SGK3: variants seen among roughly 807,000 people sequenced by gnomAD.
The protein encoded by SGK3 is serine/threonine-protein kinase Sgk3.
A neutral mutation model predicts 68.5 loss-of-function variants in SGK3; 47 were observed. The observed-to-expected ratio is 0.69, with a 90% confidence interval of 0.54 to 0.87. The LOEUF is 0.87. SGK3 is among the 40% of genes least tolerant of loss of function. The pLI is 0.00. For synonymous variants in SGK3, 181 were observed against 189.1 expected (o/e 0.96, Z 0.35); for missense variants, 479 against 575.5 (o/e 0.83, Z 1.72).
intron 2 of SGK3, among the ~76,000 whole-genome samples, chr8:66,794,682 C>G (rs1807603142): frequency 6.6e-6 from 1 of 152,198 alleles, no homozygotes. Flanking sequence ...CTTGAACACG[C>G]ATCCTCCTCA....
Position 66,852,515 on chromosome 8 carries a change from A to C in SGK3, c.1320+1595A>C, listed in dbSNP as rs60363955. Among the ~76,000 whole-genome samples, 378 of 152,072 alleles carry C rather than the reference A, an allele frequency of 2.5e-3. 14 individuals carry two copies. In the East Asian group the frequency reaches 0.064, roughly 26 times the overall value. ...CAGATGGTGTCGATCTTTTGACCTC[A>C]TGATCCACCCGCCTCAGCCTCCCAG... On this transcript the variant is annotated intron_variant, in intron 16 of 16. Coordinates refer to ENST00000521198, the MANE Select transcript of SGK3 (RefSeq NM_001033578.3).
At chr8:66,729,112 G>A (rs1490821338) in intron 1 of SGK3, among the ~76,000 whole-genome samples, 2 of 151,464 alleles carry the variant, frequency 1.3e-5, no homozygotes, top group African/African-American at 4.9e-5. Context: ...CCAGCTACTT[G>A]GGAGGCTGAG....
At chr8:66,771,702 A>G (rs914734265) in intron 1 of SGK3, among the ~76,000 whole-genome samples, 1 of 152,192 alleles carries the variant, frequency 6.6e-6, no homozygotes, top group African/African-American at 2.4e-5. Flanking sequence ...AAAGACCAGT[A>G]TTTTAGTATT....
intron 1 of SGK3, among the ~76,000 whole-genome samples, chr8:66,789,778 GT>G (rs1261044281): frequency 6.6e-6 from 1 of 152,124 alleles, no homozygotes; most frequent in African/African-American, 2.4e-5. Context: ...GCCTGTGGCC[GT>G]TTAAAGGGTC....
intron 1 of SGK3, among the ~76,000 whole-genome samples, chr8:66,779,487 G>A (rs912152057): frequency 4.3e-4 from 63 of 146,562 alleles, no homozygotes; most frequent in South Asian, 6.4e-4. Flanking sequence ...TTATTTTACC[G>A]TTCCTAGAAT....
intron 8 of SGK3, among the ~76,000 whole-genome samples, chr8:66,832,115 G>A (rs1809326415): frequency 6.6e-6 from 1 of 152,064 alleles, no homozygotes; most frequent in Admixed American, 6.6e-5. Flanking sequence ...ACAAAAATGA[G>A]CAGCTGTGTA....
chr8:66,747,284 T>TTTG (rs1420184948), intron 1 of SGK3, among the ~76,000 whole-genome samples: 2 of 152,228 alleles, frequency 1.3e-5, no homozygotes, highest in African/African-American at 2.4e-5. Flanking sequence ...TTTTAATGGT[T>TTTG]TTGTTGTTGT....
At chr8:66,719,784 A>G (rs1345168520) in intron 1 of SGK3, among the ~76,000 whole-genome samples, 1 of 152,228 alleles carries the variant, frequency 6.6e-6, no homozygotes, top group Non-Finnish European at 1.5e-5. Flanking sequence ...TAAATCACCA[A>G]AGTAATACTT....
chr8:66,748,351 G>A (rs1449567723), intron 1 of SGK3, among the ~76,000 whole-genome samples: 2 of 152,150 alleles, frequency 1.3e-5, no homozygotes, highest in African/African-American at 4.8e-5. Context: ...TGCTGAACTG[G>A]CAACCTATAA....
chr8:66,797,355 T>C (rs1198335993), intron 2 of SGK3, among the ~76,000 whole-genome samples: 3 of 152,238 alleles, frequency 2.0e-5, no homozygotes, highest in African/African-American at 7.2e-5. Flanking sequence ...GCTGGCACCT[T>C]GGCTAGGTTT....
chr8:66,829,654 G>T (rs1054555564), intron 7 of SGK3, among the ~76,000 whole-genome samples: 10 of 152,196 alleles, frequency 6.6e-5, no homozygotes, highest in Non-Finnish European at 1.2e-4. Flanking sequence ...AGTTTCAATG[G>T]TGTGGTGGTT....
In SGK3 at chr8:66,822,349, ATAAAGT is replaced by A. The variant is rs1808875048; in HGVS notation, c.330-19_330-14del. ...CTGTAGAAATGCTTTTGAAGTTATA[ATAAAGT>A]TAATTTTTGTTTTTAGTCCAGATGT... On this transcript the variant is annotated splice_polypyrimidine_tract_variant and intron_variant, in intron 5 of 16. Transcript: ENST00000521198. 1.3e-6 allele frequency: 2 copies of A among 1,592,910 alleles called. No individual in the cohort carries two copies. Among genetic ancestry groups the A allele is most frequent in the African/African-American group, 1.3e-5 (1 of 74,342 alleles).
At chr8:66,839,529 A>ATG (rs1809695341) in intron 10 of SGK3, among the ~76,000 whole-genome samples, 1 of 69,062 alleles carries the variant, frequency 1.4e-5, no homozygotes, top group Non-Finnish European at 3.0e-5. Context: ...ATATATATAT[A>ATG]TATATATATA....
intron 14 of SGK3, among the ~76,000 whole-genome samples, chr8:66,846,066 C>G (rs1191519920): frequency 6.6e-6 from 1 of 151,804 alleles, no homozygotes; most frequent in Non-Finnish European, 1.5e-5. Context: ...GAGACCAGTC[C>G]TCTGGTGAAT....
chr8:66,813,335 T>C (rs561829368), intron 4 of SGK3, among the ~76,000 whole-genome samples: 17 of 152,178 alleles, frequency 1.1e-4, no homozygotes, highest in African/African-American at 3.9e-4. Flanking sequence ...TTTTTTAAGG[T>C]TTTTTGTTTG....
At chr8:66,727,403 T>C (rs1327307197) in intron 1 of SGK3, among the ~76,000 whole-genome samples, 5 of 152,206 alleles carry the variant, frequency 3.3e-5, no homozygotes, top group African/African-American at 1.2e-4. Context: ...CAGGTCTGAA[T>C]TCTTGTATAC....
intron 1 of SGK3, among the ~76,000 whole-genome samples, chr8:66,720,810 G>T (rs1421882239): frequency 1.4e-5 from 2 of 146,880 alleles, no homozygotes; most frequent in Non-Finnish European, 3.0e-5. Context: ...GCCAGGTGTG[G>T]TGGCACACAC....
intron 1 of SGK3, among the ~76,000 whole-genome samples, chr8:66,757,534 T>G (rs1332078829): frequency 6.6e-6 from 1 of 151,988 alleles, no homozygotes; most frequent in Non-Finnish European, 1.5e-5. Context: ...TCCTAAAAAT[T>G]ACTGAGTACC....
At chr8:66,839,741 T>C (rs903640494) in intron 10 of SGK3, 6 of 342,884 alleles carry the variant, frequency 1.7e-5, no homozygotes, top group African/African-American at 1.3e-4. Flanking sequence ...GTGAGGACAT[T>C]TTTGCATTAA....
Sources: allele counts gnomAD v4.1 joint callset (sites outside exome capture counted in the v4.1 genomes callset), GRCh38; gene constraint gnomAD v4.1.1; transcripts MANE v1.5; gene names NCBI Gene and HGNC (gene_info 2026-07-23, HGNC 2026-07-21).